The following UBE2W variants were observed in gnomAD, a reference collection of about 807,000 sequenced individuals.
The protein encoded by UBE2W is ubiquitin-conjugating enzyme E2 W.
A neutral mutation model predicts 27.2 loss-of-function variants in UBE2W; 18 were observed. The ratio of observed to expected loss-of-function variants is 0.66; its 90% CI spans 0.46 to 0.98. The LOEUF is 0.98. Among genes scored for constraint, UBE2W ranks in the 50% least tolerant of loss-of-function variants. UBE2W has a pLI of 0.00. For missense variants in UBE2W, 90 were observed against 180.2 expected (o/e 0.50, Z 2.87); for synonymous variants, 53 against 57.2 (o/e 0.93, Z 0.33).
intron 1 of UBE2W, among the ~76,000 whole-genome samples, chr8:73,847,962 G>A (rs1810888372): frequency 6.6e-6 from 1 of 152,068 alleles, no homozygotes; most frequent in South Asian, 2.1e-4. Context: ...AGCACTTTGG[G>A]AGGCTGAGGC....
chr8:73,780,468 G>A (rs1276670048), exon 5 of UBE2W: 1 of 451,732 alleles, frequency 2.2e-6, no homozygotes, highest in Non-Finnish European at 4.5e-6. Flanking sequence ...ACATCTTATT[G>A]GAGGACATGA....
intron 5 of UBE2W, 104 bp from the exon 6 acceptor site, chr8:73,794,219 T>C: frequency 7.1e-7 from 1 of 1,399,786 alleles, no homozygotes; most frequent in Non-Finnish European, 9.8e-7. Context: ...AAGAAGTACA[T>C]AGTTTACATG....
At chr8:73,853,616 C>T (rs947904671) in intron 1 of UBE2W, among the ~76,000 whole-genome samples, 6 of 152,134 alleles carry the variant, frequency 3.9e-5, no homozygotes, top group African/African-American at 1.2e-4. Context: ...GTGTATAATA[C>T]ATGCAACTTT....
At chr8:73,855,093 T>C (rs1342095128) in intron 1 of UBE2W, among the ~76,000 whole-genome samples, 1 of 152,240 alleles carries the variant, frequency 6.6e-6, no homozygotes, top group East Asian at 1.9e-4. Flanking sequence ...ATGTCATGAC[T>C]TTCCTCTGCT....
intron 5 of UBE2W, among the ~76,000 whole-genome samples, chr8:73,797,770 G>T (rs1217025867): frequency 6.6e-6 from 1 of 152,150 alleles, no homozygotes; most frequent in Non-Finnish European, 1.5e-5. Flanking sequence ...GACTCATTTT[G>T]TTGGATATGC....
At chr8:73,800,148 T>C (rs1252037522) in intron 5 of UBE2W, among the ~76,000 whole-genome samples, 1 of 151,954 alleles carries the variant, frequency 6.6e-6, no homozygotes, top group Non-Finnish European at 1.5e-5. Flanking sequence ...CTGAAATGCA[T>C]TAGCTTTTTA....
chr8:73,794,119 TAAGAAAAG>T lies in UBE2W; in HGVS notation c.443-12_443-5del. On this transcript the variant is annotated splice_region_variant and splice_polypyrimidine_tract_variant and intron_variant, in intron 5 of 5. Transcript: ENST00000602593. Reference sequence around the variant, plus strand: ...CAGTGGCATCAACAAGTATCATCTTTAAGAAAAGGAGAAAAAAGATAATTAAAAAGTCA... The same window carrying T: ...CAGTGGCATCAACAAGTATCATCTTTGAGAAAAAAGATAATTAAAAAGTCA... 6.2e-7 allele frequency: 1 copy of T among 1,612,028 alleles called. No homozygotes were observed. Among genetic ancestry groups the T allele is most frequent in the Non-Finnish European group, 8.5e-7 (1 of 1,178,648 alleles).
chr8:73,828,794 T>A (rs1348827079), intron 2 of UBE2W, among the ~76,000 whole-genome samples: 1 of 152,194 alleles, frequency 6.6e-6, no homozygotes, highest in Non-Finnish European at 1.5e-5. Context: ...CTTTTAGTTA[T>A]GTGAAAATGC....
downstream of UBE2W, among the ~76,000 whole-genome samples, chr8:73,785,789 T>C (rs970377078): frequency 6.6e-6 from 1 of 152,254 alleles, no homozygotes; most frequent in African/African-American, 2.4e-5. Flanking sequence ...TTTCACCATG[T>C]TGGCCAGGCT....
chr8:73,801,130 T>C (rs1808624183), intron 5 of UBE2W, among the ~76,000 whole-genome samples: 1 of 152,128 alleles, frequency 6.6e-6, no homozygotes, highest in African/African-American at 2.4e-5. Flanking sequence ...TATATTTCTA[T>C]TATAAATTCT....
chr8:73,819,732 A>T (rs1009810939), intron 3 of UBE2W, among the ~76,000 whole-genome samples: 2 of 152,200 alleles, frequency 1.3e-5, no homozygotes, highest in African/African-American at 2.4e-5. Context: ...ACTGAGCCAA[A>T]CATATTTTAG....
intron 4 of UBE2W, among the ~76,000 whole-genome samples, chr8:73,807,417 T>C (rs973658918): frequency 2.6e-5 from 4 of 152,168 alleles, no homozygotes; most frequent in Admixed American, 6.5e-5. Flanking sequence ...GTTAGTCCAT[T>C]TGGCACTTCT....
chr8:73,793,104 TATAAC>T lies in UBE2W; in HGVS notation c.*993_*997del, dbSNP rs1252543551. 6.1e-6 allele frequency: 6 copies of T among 985,672 alleles called. No homozygotes were observed. The highest frequency in any genetic ancestry group is 7.2e-6 in the Non-Finnish European group (6 of 829,880). 61.1% of individuals were successfully genotyped at this position (985,672 alleles called of 1,614,324 possible). The stretch of plus-strand genomic sequence containing the variant: ...AGTATTGTAACATTCAAACTTGACT[TATAAC>T]AAAAGAAACAAGATTGCAAACAAAA... On this transcript the variant is annotated 3_prime_UTR_variant, in exon 6 of 6. Transcript: ENST00000602593.
At chr8:73,849,431 G>C (rs1167396792) in intron 1 of UBE2W, among the ~76,000 whole-genome samples, 1 of 132,310 alleles carries the variant, frequency 7.6e-6, no homozygotes, top group South Asian at 2.5e-4. Context: ...ATAATAGCTT[G>C]AACAGCGGAG....
chr8:73,790,563 A>G lies in UBE2W; in HGVS notation c.*3539T>C, dbSNP rs968001506. On this transcript the variant is annotated 3_prime_UTR_variant, in exon 6 of 6. Transcript: ENST00000602593. ...TAAGATATGTACAAAAAAATTAATGAAAGTGAGATCAAGAAATATAAGCAG... is the reference window on the plus strand; with the variant it reads ...TAAGATATGTACAAAAAAATTAATGGAAGTGAGATCAAGAAATATAAGCAG... 5 of 984,428 alleles carry G rather than the reference A, an allele frequency of 5.1e-6. No homozygotes were observed. In the African/African-American group the frequency reaches 7.0e-5, roughly 14 times the overall value. The allele number at this position is 984,428 out of a possible 1,614,324, so 61.0% of individuals were successfully genotyped here.
rs56094830 is a variant in UBE2W, at chr8:73,813,083, C to CAAAAAAAAAAAAAA, written c.211-2468_211-2455dup. Reference sequence around the variant, plus strand: ...GAAGAATAGTGATCTGAAAGTGCCACAAAAAAAAAAAAAAAAAAAAAAAAA... The same window carrying CAAAAAAAAAAAAAA: ...GAAGAATAGTGATCTGAAAGTGCCACAAAAAAAAAAAAAAAAAAAAAAAAAAAAAAAAAAAAAAA... On this transcript the variant is annotated intron_variant, in intron 3 of 5. Coordinates refer to ENST00000602593, the MANE Select transcript of UBE2W (RefSeq NM_018299.6). Among the ~76,000 whole-genome samples the CAAAAAAAAAAAAAA allele has an allele frequency of 1.7e-3, 74 of 43,458 alleles. 18 individuals carry two copies. The highest frequency in any genetic ancestry group is 2.5e-3 in the Non-Finnish European group (62 of 24,638). 28.5% of individuals were successfully genotyped at this position (43,458 alleles called of 152,430 possible). A position where few individuals can be genotyped will look rare whatever the true frequency, so the allele number is the denominator to read the frequency against.
At chr8:73,813,019 A>G (rs1311509532) in intron 3 of UBE2W, among the ~76,000 whole-genome samples, 3 of 138,100 alleles carry the variant, frequency 2.2e-5, no homozygotes, top group African/African-American at 7.7e-5. Flanking sequence ...AAAAAAAAAA[A>G]AGATATTTTT....
At chr8:73,795,138 G>A (rs1808361236) in intron 5 of UBE2W, among the ~76,000 whole-genome samples, 1 of 150,036 alleles carries the variant, frequency 6.7e-6, no homozygotes. Context: ...AGCACTCAAG[G>A]AAAAAATTCT....
rs527643508 is a variant in UBE2W, at chr8:73,792,970, C to T, written c.*1132G>A. 2 of 985,362 alleles carry T rather than the reference C, an allele frequency of 2.0e-6. No individual in the cohort carries two copies. The highest frequency in any genetic ancestry group is 1.1e-4 in the East Asian group (1 of 8,820). The allele number at this position is 985,362 out of a possible 1,614,324, so 61.0% of individuals were successfully genotyped here. On this transcript the variant is annotated 3_prime_UTR_variant, in exon 6 of 6. Transcript: ENST00000602593. ...CACACTCTTTTGTTAAAACATTAAGCCTCTGTCAAAAATGTATTTCTTATT... is the reference window on the plus strand; with the variant it reads ...CACACTCTTTTGTTAAAACATTAAGTCTCTGTCAAAAATGTATTTCTTATT...
Sources: gnomAD v4.1 joint callset for allele counts (sites outside exome capture counted in the v4.1 genomes callset) on GRCh38, gnomAD v4.1.1 for gene constraint, MANE v1.5 for transcripts, NCBI Gene and HGNC (gene_info 2026-07-23, HGNC 2026-07-21) for gene names.